The following DCHS2 variants were observed in gnomAD, a reference collection of about 807,000 sequenced individuals.
DCHS2 encodes the protein dachsous cadherin-related 2.
Under a neutral mutation model 182.4 loss-of-function variants are expected in DCHS2, and 142 were observed. The ratio of observed to expected loss-of-function variants is 0.78; its 90% confidence interval spans 0.68 to 0.89. The LOEUF (loss-of-function observed/expected upper bound fraction) is 0.89. Among genes scored for constraint, DCHS2 ranks in the 40% least tolerant of loss-of-function variants. The probability of loss-of-function intolerance (pLI) is 0.00; values close to 1 mark genes in which losing one functional copy is unlikely to be tolerated. For synonymous variants in DCHS2, 1,740 were observed against 1,663.3 expected, an observed-to-expected ratio of 1.05 and a Z score of -1.12; for missense variants, 4,319 against 4,198.6, an observed-to-expected ratio of 1.03 and a Z score of -0.79.
intron 1 of DCHS2, among the ~76,000 whole-genome samples, chr4:154,449,624 C>T (rs1734452714): frequency 6.6e-6 from 1 of 152,148 alleles, no homozygotes; most frequent in South Asian, 2.1e-4. Flanking sequence ...ACTCTTGCCT[C>T]GGCCTCCCAA....
chr4:154,320,773 CA>C lies in DCHS2; in HGVS notation c.4625del (p.Leu1542Ter). ...CAATGTAGTATTGTATTCTACTGTTCAAAAAACTGCCGTCATCATCTTTGGC... is the reference window on the plus strand; with the variant it reads ...CAATGTAGTATTGTATTCTACTGTTCAAAAACTGCCGTCATCATCTTTGGC... Reference protein sequence around the residue: ...FNAKDDDGSFLNSRIQYYIES... With the variant: ...FNAKDDDGSFXNSRIQYYIES... On this transcript the variant is annotated frameshift_variant, in exon 9 of 20. Transcript: ENST00000357232. LOFTEE classifies it high-confidence loss of function. 6.2e-7 allele frequency: 1 copy of C among 1,614,006 alleles called. No individual in the cohort carries two copies. Among genetic ancestry groups the C allele is most frequent in the Non-Finnish European group, 8.5e-7 (1 of 1,179,988 alleles).
intron 2 of DCHS2, among the ~76,000 whole-genome samples, chr4:154,370,540 C>A (rs577202179): frequency 6.6e-6 from 1 of 151,854 alleles, no homozygotes; most frequent in East Asian, 1.9e-4. Flanking sequence ...ATTAATGATG[C>A]AGGAAAAAAG....
intron 14 of DCHS2, among the ~76,000 whole-genome samples, chr4:154,260,592 G>T (rs888455843): frequency 5.3e-5 from 8 of 152,248 alleles, no homozygotes; most frequent in Admixed American, 3.3e-4. Context: ...CACGCATGCG[G>T]TTCCATCAGC....
intron 3 of DCHS2, among the ~76,000 whole-genome samples, chr4:154,338,390 A>T (rs538919059): frequency 1.3e-5 from 2 of 152,352 alleles, no homozygotes; most frequent in African/African-American, 4.8e-5. Context: ...AAGAAACAAT[A>T]AAATGTTGAT....
chr4:154,316,983 A>T (rs114399087), intron 9 of DCHS2, among the ~76,000 whole-genome samples: 5,724 of 152,316 alleles, frequency 0.038, 146 homozygotes, highest in Non-Finnish European at 0.058. Context: ...CCCTTTTATA[A>T]GAATTTTTCT....
At chr4:154,448,441 T>G (rs1451467826) in intron 1 of DCHS2, among the ~76,000 whole-genome samples, 2 of 152,104 alleles carry the variant, frequency 1.3e-5, no homozygotes, top group Admixed American at 6.6e-5. Context: ...ATCCAACCCC[T>G]TAGCAACCCA....
chr4:154,335,792 T>C (rs1728776325), intron 3 of DCHS2, among the ~76,000 whole-genome samples: 1 of 152,222 alleles, frequency 6.6e-6, no homozygotes, highest in Admixed American at 6.5e-5. Context: ...TTATGTTAGG[T>C]AAGCAATATT....
At chr4:154,475,721 A>G (rs1379564928) in intron 1 of DCHS2, among the ~76,000 whole-genome samples, 1 of 152,216 alleles carries the variant, frequency 6.6e-6, no homozygotes, top group Non-Finnish European at 1.5e-5. Context: ...CCTAACAACA[A>G]TGTCTGGTTG....
At chr4:154,446,793 ATTAG>A (rs755964779) in intron 1 of DCHS2, among the ~76,000 whole-genome samples, 18 of 152,316 alleles carry the variant, frequency 1.2e-4, no homozygotes, top group South Asian at 2.1e-4. Flanking sequence ...AGGCAAATAA[ATTAG>A]TTAGAGTTGC....
At chr4:154,427,918 G>C (rs1006863031) in intron 1 of DCHS2, among the ~76,000 whole-genome samples, 14 of 152,332 alleles carry the variant, frequency 9.2e-5, no homozygotes, top group African/African-American at 3.4e-4. Context: ...AAAATCAACT[G>C]CTCTATACAT....
intron 1 of DCHS2, among the ~76,000 whole-genome samples, chr4:154,426,845 G>A (rs1257881837): frequency 4.6e-5 from 7 of 151,862 alleles, no homozygotes; most frequent in Non-Finnish European, 8.8e-5. Context: ...CACAAAGAAA[G>A]GATAAATGCT....
chr4:154,310,051 G>A (rs1011506151), intron 10 of DCHS2, among the ~76,000 whole-genome samples: 6 of 152,182 alleles, frequency 3.9e-5, no homozygotes, highest in African/African-American at 1.4e-4. Flanking sequence ...TGAGTGGCAG[G>A]TATAATAAAT....
chr4:154,380,446 G>A (rs1731118221), intron 1 of DCHS2, among the ~76,000 whole-genome samples: 1 of 152,108 alleles, frequency 6.6e-6, no homozygotes, highest in South Asian at 2.1e-4. Flanking sequence ...TCAAGTTCCT[G>A]AAGACACCAA....
intron 12 of DCHS2, among the ~76,000 whole-genome samples, chr4:154,299,057 T>C (rs1016124228): frequency 6.6e-6 from 1 of 152,200 alleles, no homozygotes; most frequent in Non-Finnish European, 1.5e-5. Flanking sequence ...GATGAAGATA[T>C]ATGTTTTATT....
intron 3 of DCHS2, chr4:154,357,324 C>G (rs1729919065): frequency 1.2e-6 from 2 of 1,604,436 alleles, no homozygotes; most frequent in Non-Finnish European, 1.7e-6. Context: ...ACTATAGAGT[C>G]CTAATTAGGG....
At chr4:154,269,137 G>A (rs1733445032) in intron 14 of DCHS2, 1 of 152,200 alleles carries the variant, frequency 6.6e-6, no homozygotes, top group Non-Finnish European at 1.5e-5. Flanking sequence ...CAGAAAGGTT[G>A]CTGACCAAAG....
chr4:154,235,390 G>A lies in DCHS2; in HGVS notation c.9262C>T (p.His3088Tyr), dbSNP rs61741046. Residue 3088 changes from histidine to tyrosine, a missense_variant, in exon 20 of 20, where the codon CAC becomes TAC. By Grantham distance (83) the His-to-Tyr change is moderately conservative. Coordinates refer to ENST00000357232, the MANE Select transcript of DCHS2 (RefSeq NM_001358235.2). ...MEKDIVNLYRHSNSSGHCSVE... is the reference protein window; with the variant it reads ...MEKDIVNLYRYSNSSGHCSVE... ...GAACAGTGGCCACTGGAGTTTGAGT[G>A]TCTGTACAGATTGACAATATCCTTC... 0.025 allele frequency: 40,888 copies of A among 1,613,970 alleles called. 771 individuals are homozygous for A. The highest frequency in any genetic ancestry group is 0.083 in the African/African-American group (6,241 of 74,980).
At chr4:154,318,353 C>G (rs1735935669) in intron 9 of DCHS2, among the ~76,000 whole-genome samples, 1 of 151,530 alleles carries the variant, frequency 6.6e-6, no homozygotes, top group African/African-American at 2.4e-5. Flanking sequence ...TAAATATAAG[C>G]AAGCGATGAG....
At chr4:154,448,100 C>T (rs1734376149) in intron 1 of DCHS2, among the ~76,000 whole-genome samples, 1 of 152,148 alleles carries the variant, frequency 6.6e-6, no homozygotes, top group Admixed American at 6.5e-5. Context: ...GCCTCTGAGG[C>T]TGCTTTCCCT....
Sources: allele counts gnomAD v4.1 joint callset (sites outside exome capture counted in the v4.1 genomes callset), GRCh38; gene constraint gnomAD v4.1.1; transcripts MANE v1.5; gene names NCBI Gene and HGNC (gene_info 2026-07-23, HGNC 2026-07-21).